HPSE2: variants seen among roughly 807,000 people sequenced by gnomAD.
The protein encoded by HPSE2 is heparanase 2 (inactive), also known as inactive heparanase-2.
A neutral mutation model predicts 60.5 loss-of-function variants in HPSE2; 38 were observed. The observed-to-expected ratio is 0.63, with a 90% CI of 0.48 to 0.82. HPSE2 has a LOEUF of 0.82. HPSE2 is among the 40% of genes least tolerant of loss of function. The probability of loss-of-function intolerance (pLI) is 0.00; values close to 1 mark genes in which losing one functional copy is unlikely to be tolerated. For synonymous variants in HPSE2, 295 were observed against 293.2 expected, an observed-to-expected ratio of 1.01 and a Z score of -0.06; for missense variants, 713 against 740.4, an observed-to-expected ratio of 0.96 and a Z score of 0.43.
intron 9 of HPSE2, among the ~76,000 whole-genome samples, chr10:98,512,026 C>CTT (rs1942425111): frequency 1.3e-5 from 2 of 152,182 alleles, no homozygotes; most frequent in African/African-American, 4.8e-5. Flanking sequence ...AGATATTTGA[C>CTT]CTTGGAGAGC....
At chr10:99,013,960 C>T in intron 3 of HPSE2, 1 of 410,516 alleles carries the variant, frequency 2.4e-6, no homozygotes, top group Non-Finnish European at 5.1e-6. Context: ...CATTCTCGGG[C>T]AGTGGACCCT....
chr10:98,473,100 T>C (rs532636504), intron 11 of HPSE2, among the ~76,000 whole-genome samples: 1 of 152,356 alleles, frequency 6.6e-6, no homozygotes, highest in South Asian at 2.1e-4. Flanking sequence ...AATGTTACTA[T>C]ATTGTGTTAG....
intron 3 of HPSE2, chr10:99,013,968 C>T: frequency 2.5e-6 from 1 of 393,362 alleles, no homozygotes; most frequent in East Asian, 8.8e-5. Context: ...GGCAGTGGAC[C>T]CTGCCTCCAG....
Position 98,541,713 on chromosome 10 carries a change from T to C in HPSE2, c.1321-51517A>G, listed in dbSNP as rs564947196. On this transcript the variant is annotated intron_variant, in intron 9 of 11. Coordinates refer to ENST00000370552, the MANE Select transcript of HPSE2 (RefSeq NM_021828.5). Reference sequence around the variant, plus strand: ...TCCTACACCCACGGAGTCTTGCTGATTGCTAGCACAGCAGTCTGAGATCAA... The same window carrying C: ...TCCTACACCCACGGAGTCTTGCTGACTGCTAGCACAGCAGTCTGAGATCAA... Among the ~76,000 whole-genome samples, 10 of 152,326 alleles carry C rather than the reference T, an allele frequency of 6.6e-5. No individual in the cohort carries two copies. In the South Asian group the frequency reaches 1.4e-3, roughly 22 times the overall value.
intron 4 of HPSE2, among the ~76,000 whole-genome samples, chr10:98,728,474 CCT>C (rs1187838316): frequency 2.6e-5 from 4 of 151,890 alleles, no homozygotes; most frequent in Non-Finnish European, 5.9e-5. Flanking sequence ...AAAAATTACC[CCT>C]GTGTGGTGCT....
intron 3 of HPSE2, among the ~76,000 whole-genome samples, chr10:98,829,901 T>C (rs973474420): frequency 3.9e-5 from 6 of 152,180 alleles, no homozygotes; most frequent in African/African-American, 1.2e-4. Flanking sequence ...ACAGGATACA[T>C]GTGCAGAATG....
At chr10:99,087,912 G>A (rs1259208725) in intron 3 of HPSE2, among the ~76,000 whole-genome samples, 1 of 151,684 alleles carries the variant, frequency 6.6e-6, no homozygotes, top group African/African-American at 2.4e-5. Context: ...AGAATTCCCA[G>A]GATCATAAGC....
At position 98,847,339 on chromosome 10, in the gene HPSE2, T is replaced by A. The variant is rs559058529; in HGVS notation, c.611-103283A>T. On this transcript the variant is annotated intron_variant, in intron 3 of 11. Coordinates refer to ENST00000370552, the MANE Select transcript of HPSE2 (RefSeq NM_021828.5). ...CATCAGGAATTTGCCGAGTGCTTCA[T>A]ATGGTCGCATTTAATGTCTGTAACA... is the stretch of plus-strand genomic sequence containing the variant. 3.3e-5 allele frequency among the ~76,000 whole-genome samples: 5 copies of A among 152,304 alleles called. No individual in the cohort carries two copies. The East Asian group carries it at 9.6e-4, about 29-fold the overall frequency.
chr10:99,079,092 G>A (rs919147940), intron 3 of HPSE2, among the ~76,000 whole-genome samples: 1 of 152,132 alleles, frequency 6.6e-6, no homozygotes, highest in African/African-American at 2.4e-5. Context: ...TTGAGTCATG[G>A]AAAGCGGCTA....
At chr10:99,037,115 C>T (rs750089685) in intron 3 of HPSE2, among the ~76,000 whole-genome samples, 2 of 152,072 alleles carry the variant, frequency 1.3e-5, no homozygotes, top group African/African-American at 2.4e-5. Context: ...AAACACTAGA[C>T]AAACCCAAAT....
Position 99,116,777 on chromosome 10 carries a change from T to C in HPSE2, c.610+27461A>G, listed in dbSNP as rs111875441. 1.4e-3 allele frequency among the ~76,000 whole-genome samples: 207 copies of C among 151,452 alleles called. 1 individual carries two copies. The highest frequency in any genetic ancestry group is 3.4e-3 in the Middle Eastern group (1 of 294). ...GCTTGCCTGCTACCAGAGGCAACAG[T>C]TGATGGGAAGTGGCAGGGAGAAGGG... On this transcript the variant is annotated intron_variant, in intron 3 of 11. Transcript: ENST00000370552.
At chr10:98,781,305 TTA>T (rs1491351924) in intron 3 of HPSE2, among the ~76,000 whole-genome samples, 15 of 134,270 alleles carry the variant, frequency 1.1e-4, no homozygotes, top group African/African-American at 4.4e-4. Context: ...TTTTTTTTTT[TTA>T]TTTTTAAATT....
intron 9 of HPSE2, among the ~76,000 whole-genome samples, chr10:98,542,348 C>G (rs1432576574): frequency 6.6e-6 from 1 of 151,758 alleles, no homozygotes; most frequent in South Asian, 2.1e-4. Context: ...CATCAAAGAC[C>G]AAAAGTAGAT....
At chr10:98,955,101 C>A (rs146018014) in intron 3 of HPSE2, among the ~76,000 whole-genome samples, 2 of 151,678 alleles carry the variant, frequency 1.3e-5, no homozygotes, top group East Asian at 1.9e-4. Context: ...ATCATAGAGA[C>A]AAATGCTGAT....
intron 2 of HPSE2, among the ~76,000 whole-genome samples, chr10:99,149,816 C>T (rs1167319497): frequency 5.3e-5 from 8 of 151,500 alleles, no homozygotes; most frequent in Non-Finnish European, 1.2e-4. Flanking sequence ...AACTAATTTA[C>T]CAAATAATCA....
At position 99,126,176 on chromosome 10, in the gene HPSE2, T is replaced by C. The variant is rs1257074501; in HGVS notation, c.610+18062A>G. Among the ~76,000 whole-genome samples, 1 of 152,130 alleles carries C rather than the reference T, an allele frequency of 6.6e-6. No individual in the cohort carries two copies. Among genetic ancestry groups the C allele is most frequent in the Non-Finnish European group, 1.5e-5 (1 of 67,998 alleles). Reference sequence around the variant, plus strand: ...TGTGTGGGAGCTGAGTGAGGCCTTTTGCTACCAGCTATGCCCCCACTTCCC... The same window carrying C: ...TGTGTGGGAGCTGAGTGAGGCCTTTCGCTACCAGCTATGCCCCCACTTCCC... On this transcript the variant is annotated intron_variant, in intron 3 of 11. Coordinates refer to ENST00000370552, the MANE Select transcript of HPSE2 (RefSeq NM_021828.5). This position sits in a 1 kb window ranked among gnomAD's most constrained non-coding sequence, Gnocchi z 4.0.
intron 6 of HPSE2, among the ~76,000 whole-genome samples, chr10:98,662,440 C>T (rs1435151266): frequency 6.6e-6 from 1 of 152,172 alleles, no homozygotes; most frequent in African/African-American, 2.4e-5. Flanking sequence ...TCATCCTTAG[C>T]AAACAAACAC....
the HPSE2 span, among the ~76,000 whole-genome samples, chr10:99,251,222 C>A: frequency 6.6e-6 from 1 of 152,104 alleles, no homozygotes; most frequent in Non-Finnish European, 1.5e-5. Context: ...TGCTTCTATG[C>A]CACAAACTAC....
chr10:98,510,036 A>G (rs1942337665), intron 9 of HPSE2, among the ~76,000 whole-genome samples: 1 of 152,184 alleles, frequency 6.6e-6, no homozygotes, highest in Admixed American at 6.5e-5. Context: ...CCCAGGGAGC[A>G]TACTAAAAGA....
Sources: allele counts gnomAD v4.1 joint callset (sites outside exome capture counted in the v4.1 genomes callset), GRCh38; gene constraint gnomAD v4.1.1; non-coding constraint Gnocchi (gnomAD v3.1); transcripts MANE v1.5; gene names NCBI Gene and HGNC (gene_info 2026-07-23, HGNC 2026-07-21).